KHDC1: variants seen among roughly 807,000 people sequenced by gnomAD.
The protein encoded by KHDC1 is KH homology domain-containing protein 1.
Under a neutral mutation model 24.7 loss-of-function variants are expected in KHDC1, and 21 were observed. The ratio of observed to expected loss-of-function variants is 0.85; its 90% CI spans 0.60 to 1.23. KHDC1 has a LOEUF of 1.23. Among genes scored for constraint, KHDC1 ranks in the 50% most tolerant of loss-of-function variants. The probability of loss-of-function intolerance (pLI) is 0.00; values close to 1 mark genes in which losing one functional copy is unlikely to be tolerated. For synonymous variants in KHDC1, 98 were observed against 111.7 expected (o/e 0.88, Z 0.77); for missense variants, 274 against 298.5 (o/e 0.92, Z 0.61).
At chr6:73,293,068 A>G in intron 1 of KHDC1, 1 of 1,004,606 alleles carries the variant, frequency 1.0e-6, no homozygotes, top group Non-Finnish European at 1.6e-6. Context: ...ATGTGATTAG[A>G]AATGCAAGAC....
chr6:73,243,740 T>C (rs1766616769), intron 2 of KHDC1, among the ~76,000 whole-genome samples: 1 of 152,268 alleles, frequency 6.6e-6, no homozygotes, highest in Admixed American at 6.5e-5. Context: ...CACAAAACTG[T>C]TCTGCCTGAG....
intron 2 of KHDC1, among the ~76,000 whole-genome samples, chr6:73,253,769 T>C (rs1766825733): frequency 6.6e-6 from 1 of 151,820 alleles, no homozygotes; most frequent in Non-Finnish European, 1.5e-5. Flanking sequence ...TGGCCAGGCA[T>C]AGTGGTCCAT....
Position 73,242,396 on chromosome 6 carries a change from G to C in KHDC1, c.331+10C>G. On this transcript the variant is annotated intron_variant, in intron 3 of 4. Transcript: ENST00000370384. ...GGATGAAGAAGGGGACGTGGGCAAA[G>C]GCCACTCACCGAAGATGAGCTCCTC... The C allele has an allele frequency of 6.2e-7, 1 of 1,614,060 alleles. No individual in the cohort carries two copies.
At chr6:73,244,988 T>G (rs1766639634) in intron 2 of KHDC1, among the ~76,000 whole-genome samples, 1 of 152,080 alleles carries the variant, frequency 6.6e-6, no homozygotes, top group Non-Finnish European at 1.5e-5. Context: ...CACAAGAAAG[T>G]TTTGCCTTTC....
chr6:73,282,476 A>T (rs1221900042), intron 2 of KHDC1, among the ~76,000 whole-genome samples: 1 of 152,164 alleles, frequency 6.6e-6, no homozygotes, highest in Non-Finnish European at 1.5e-5. Flanking sequence ...AACTTAGTTT[A>T]TAGGTTAAAA....
At chr6:73,248,252 A>T (rs1766707051) in intron 2 of KHDC1, among the ~76,000 whole-genome samples, 1 of 152,002 alleles carries the variant, frequency 6.6e-6, no homozygotes, top group South Asian at 2.1e-4. Context: ...CTGGAAAATC[A>T]TTTTGCACAG....
At chr6:73,293,999 C>T (rs1222014964) in intron 1 of KHDC1, among the ~76,000 whole-genome samples, 7 of 144,416 alleles carry the variant, frequency 4.8e-5, no homozygotes. Context: ...GAGTGAGACT[C>T]CACCTCAAAA....
chr6:73,242,287 G>A (rs1312206483), intron 3 of KHDC1, 50 bp from the exon 3 acceptor site: 3 of 1,604,040 alleles, frequency 1.9e-6, no homozygotes, highest in Admixed American at 1.7e-5. Context: ...CAGCCCTTAG[G>A]GAATGGGGAG....
chr6:73,263,064 GGCGGCA>G (rs891033989), intron 2 of KHDC1: 172 of 109,566 alleles, frequency 1.6e-3, no homozygotes, highest in Non-Finnish European at 2.2e-3. Context: ...CGGCGGCGGC[GGCGGCA>G]GCGGCGGCAG....
At chr6:73,298,431 T>G in intron 1 of KHDC1, among the ~76,000 whole-genome samples, 1 of 108,714 alleles carries the variant, frequency 9.2e-6, no homozygotes, top group Admixed American at 9.3e-5. Flanking sequence ...AAATTTTTTT[T>G]TTTTTTTTTT....
chr6:73,241,539 A>G (rs1467142886), exon 5 of KHDC1: 2 of 1,613,920 alleles, frequency 1.2e-6, no homozygotes, highest in African/African-American at 1.3e-5. Context: ...TTACGGATAC[A>G]GTGAACTCAA....
chr6:73,250,863 C>A (rs1295392074), intron 2 of KHDC1, among the ~76,000 whole-genome samples: 2 of 151,972 alleles, frequency 1.3e-5, no homozygotes, highest in Non-Finnish European at 2.9e-5. Flanking sequence ...TTTTTGAAAT[C>A]GAGTCTCGCT....
chr6:73,285,245 T>C (rs945378651), intron 2 of KHDC1, among the ~76,000 whole-genome samples: 1 of 152,246 alleles, frequency 6.6e-6, no homozygotes, highest in Non-Finnish European at 1.5e-5. Context: ...TTTAAAGTCT[T>C]GGCAAAAATT....
chr6:73,262,953 G>T lies in KHDC1; in HGVS notation c.207-20423C>A, dbSNP rs1288937072. On this transcript the variant is annotated intron_variant, in intron 2 of 4. Transcript: ENST00000370384. The stretch of plus-strand genomic sequence containing the variant: ...ACTAACCGAGTTCGAGACCACAGGG[G>T]GGTCAGGTAGCCAAGGCTGGGCTTT... The T allele has an allele frequency of 6.1e-6, 6 of 991,680 alleles. No individual in the cohort carries two copies. The Admixed American group carries it at 3.7e-4, about 61-fold the overall frequency. The allele number at this position is 991,680 out of a possible 1,614,324, so 61.4% of individuals were successfully genotyped here.
intron 2 of KHDC1, among the ~76,000 whole-genome samples, chr6:73,251,235 G>A (rs1766772945): frequency 1.3e-5 from 2 of 152,068 alleles, no homozygotes; most frequent in African/African-American, 4.8e-5. Flanking sequence ...TAAATAATGA[G>A]AGAAAAAGTC....
chr6:73,247,349 C>A (rs1050574809), intron 2 of KHDC1, among the ~76,000 whole-genome samples: 2 of 152,172 alleles, frequency 1.3e-5, no homozygotes, highest in Middle Eastern at 3.4e-3. Context: ...GCCCTCAGGA[C>A]TTTCTGATTT....
chr6:73,293,280 A>C, intron 1 of KHDC1: 1 of 611,884 alleles, frequency 1.6e-6, no homozygotes, highest in Non-Finnish European at 3.1e-6. Context: ...TCTACTGAAG[A>C]AACATAAGGA....
chr6:73,269,846 C>G (rs1767149276), intron 2 of KHDC1: 1 of 152,338 alleles, frequency 6.6e-6, no homozygotes, highest in Admixed American at 6.5e-5. Context: ...TAGCTCACTG[C>G]AGCCTCAAAT....
intron 2 of KHDC1, among the ~76,000 whole-genome samples, chr6:73,264,943 T>G (rs1232681635): frequency 6.6e-6 from 1 of 152,224 alleles, no homozygotes; most frequent in Non-Finnish European, 1.5e-5. Flanking sequence ...TAGTTTCTGC[T>G]GCTCTTAGAG....
Sources: gnomAD v4.1 joint callset for allele counts (sites outside exome capture counted in the v4.1 genomes callset) on GRCh38, gnomAD v4.1.1 for gene constraint, MANE v1.5 for transcripts, NCBI Gene and HGNC (gene_info 2026-07-23, HGNC 2026-07-21) for gene names.